Variants in ADCY3 observed in about 807,000 individuals in gnomAD.
ADCY3 encodes the protein adenylate cyclase type 3.
Under a neutral mutation model 119.4 loss-of-function variants are expected in ADCY3, and 70 were observed. The observed-to-expected ratio is 0.59, with a 90% confidence interval of 0.48 to 0.72. The LOEUF (loss-of-function observed/expected upper bound fraction) is 0.72, where lower values mean the gene tolerates loss of function less well. ADCY3 is among the 30% of genes least tolerant of loss of function. The pLI is 0.00. For missense variants in ADCY3, 1,238 were observed against 1,541.6 expected (o/e 0.80, Z 3.30); for synonymous variants, 672 against 621.4 (o/e 1.08, Z -1.21).
chr2:24,840,021 C>G lies in ADCY3; in HGVS notation c.1207G>C (p.Glu403Gln). The change falls in exon 7 of 22, where the codon GAG becomes CAG. Residue 403 changes from glutamate (E) to glutamine (Q), a missense_variant. By Grantham distance (29) the Glu-to-Gln change is conservative. Transcript: ENST00000679454. ...ATGTCCACCCCAGTCTTGGTCTTCT[C>G]CCGCACATACCTGCCAGGTACACAC... ...AMVEAISYVR[E>Q]KTKTGVDMRV... 6.2e-7 allele frequency: 1 copy of G among 1,609,804 alleles called. No homozygotes were observed. Among genetic ancestry groups the G allele is most frequent in the Non-Finnish European group, 8.5e-7 (1 of 1,176,728 alleles).
intron 13 of ADCY3, 138 bp from the exon 14 acceptor site, chr2:24,828,299 T>C: frequency 9.7e-7 from 1 of 1,034,334 alleles, no homozygotes; most frequent in Non-Finnish European, 1.4e-6. Flanking sequence ...GATGGGGAAA[T>C]TTACCAGGGA....
chr2:24,891,118 C>T (rs1366038951), intron 2 of ADCY3, among the ~76,000 whole-genome samples: 1 of 152,160 alleles, frequency 6.6e-6, no homozygotes, highest in Non-Finnish European at 1.5e-5. Flanking sequence ...ATGCACCTGC[C>T]TTGGCCTCCC....
At chr2:24,830,052 T>TC (rs1669248381) in intron 13 of ADCY3, among the ~76,000 whole-genome samples, 1 of 97,668 alleles carries the variant, frequency 1.0e-5, no homozygotes, top group Non-Finnish European at 2.0e-5. Context: ...ACCTTTTTTT[T>TC]TTTTTTTTGA....
chr2:24,874,137 A>C (rs950696127), intron 2 of ADCY3, among the ~76,000 whole-genome samples: 2 of 152,170 alleles, frequency 1.3e-5, no homozygotes, highest in African/African-American at 4.8e-5. Flanking sequence ...CCTGAGGATC[A>C]ACCACCACCA....
intron 2 of ADCY3, among the ~76,000 whole-genome samples, chr2:24,890,181 G>A (rs1222834543): frequency 6.6e-6 from 1 of 152,012 alleles, no homozygotes; most frequent in Non-Finnish European, 1.5e-5. Context: ...TCCCTACTTG[G>A]TCATTATATA....
intron 18 of ADCY3, 114 bp from the exon 19 acceptor site, chr2:24,822,744 T>C: frequency 4.3e-6 from 6 of 1,394,440 alleles, no homozygotes; most frequent in Non-Finnish European, 5.8e-6. Flanking sequence ...GACACTTTCC[T>C]ATCAAAGTTG....
intron 3 of ADCY3, among the ~76,000 whole-genome samples, chr2:24,866,714 T>C (rs1433211539): frequency 6.6e-6 from 1 of 150,988 alleles, no homozygotes; most frequent in Admixed American, 6.6e-5. Context: ...GATGACAAAA[T>C]AGGAATACAT....
chr2:24,901,598 T>A (rs1340157489), intron 2 of ADCY3, among the ~76,000 whole-genome samples: 1 of 152,042 alleles, frequency 6.6e-6, no homozygotes, highest in East Asian at 1.9e-4. Context: ...GACTTTTAAT[T>A]CTTACTCCAC....
At chr2:24,826,414 T>A in intron 15 of ADCY3, 1 of 334,384 alleles carries the variant, frequency 3.0e-6, no homozygotes, top group Admixed American at 4.7e-5. Flanking sequence ...GCCTGACTGA[T>A]CACAGAGGTA....
At chr2:24,863,165 T>C (rs919965088) in intron 3 of ADCY3, among the ~76,000 whole-genome samples, 1 of 152,188 alleles carries the variant, frequency 6.6e-6, no homozygotes, top group Non-Finnish European at 1.5e-5. Context: ...AAAGTATTGA[T>C]CCTGGGTGTG....
intron 2 of ADCY3, among the ~76,000 whole-genome samples, chr2:24,874,868 A>C (rs1370011451): frequency 1.3e-5 from 2 of 152,264 alleles, no homozygotes; most frequent in African/African-American, 4.8e-5. Context: ...AAAAACTTGC[A>C]GATCAATGAA....
intron 2 of ADCY3, among the ~76,000 whole-genome samples, chr2:24,896,152 G>A (rs146257599): frequency 2.0e-5 from 3 of 152,092 alleles, no homozygotes; most frequent in Non-Finnish European, 2.9e-5. Context: ...TTGGGAGGCC[G>A]AGATGGGCAG....
At chr2:24,910,511 ACT>A (rs1663457531) in intron 2 of ADCY3, among the ~76,000 whole-genome samples, 1 of 152,208 alleles carries the variant, frequency 6.6e-6, no homozygotes, top group Non-Finnish European at 1.5e-5. Flanking sequence ...ACTCAGTAAC[ACT>A]GAGTAATGAG....
intron 2 of ADCY3, among the ~76,000 whole-genome samples, chr2:24,894,522 T>C (rs1372174914): frequency 6.6e-6 from 1 of 152,124 alleles, no homozygotes; most frequent in Non-Finnish European, 1.5e-5. Flanking sequence ...ATTATAACAA[T>C]ATACTTTCAT....
At chr2:24,881,952 T>A (rs1033728934) in intron 2 of ADCY3, among the ~76,000 whole-genome samples, 3 of 152,218 alleles carry the variant, frequency 2.0e-5, no homozygotes, top group African/African-American at 7.2e-5. Flanking sequence ...GCCCCAAATG[T>A]CAACGGAGCC....
chr2:24,902,648 C>T (rs1455899103), intron 2 of ADCY3, among the ~76,000 whole-genome samples: 3 of 152,120 alleles, frequency 2.0e-5, no homozygotes, highest in Non-Finnish European at 4.4e-5. Flanking sequence ...AAAACCAACC[C>T]CTTCTCTTTC....
intron 18 of ADCY3, 78 bp downstream of exon 18, chr2:24,823,131 C>T (rs1245312658): frequency 2.0e-6 from 3 of 1,503,404 alleles, no homozygotes; most frequent in African/African-American, 1.4e-5. Context: ...GTTTCTCTGG[C>T]CTCTGCAGCC....
intron 2 of ADCY3, among the ~76,000 whole-genome samples, chr2:24,890,872 CCTTT>C (rs1027130038): frequency 6.6e-6 from 1 of 151,790 alleles, no homozygotes; most frequent in African/African-American, 2.4e-5. Flanking sequence ...AGACTTTAGA[CCTTT>C]CTTCTTTTTT....
At position 24,899,043 on chromosome 2, in the gene ADCY3, C is replaced by T. The variant is rs1000341375; in HGVS notation, c.675+19270G>A. Reference sequence around the variant, plus strand: ...TCATGCCCCTTGTCACCCTGAATCCCGGTGTCACTGGCTTCCAATGTCCCC... The same window carrying T: ...TCATGCCCCTTGTCACCCTGAATCCTGGTGTCACTGGCTTCCAATGTCCCC... On this transcript the variant is annotated intron_variant, in intron 2 of 21. Coordinates refer to ENST00000679454, the MANE Select transcript of ADCY3 (RefSeq NM_004036.5). This position sits in a 1 kb window ranked among gnomAD's most constrained non-coding sequence, Gnocchi z 4.5. 2.6e-5 allele frequency among the ~76,000 whole-genome samples: 4 copies of T among 152,126 alleles called. No homozygotes were observed. Among genetic ancestry groups the T allele is most frequent in the South Asian group, 2.1e-4 (1 of 4,830 alleles).
Sources: allele counts gnomAD v4.1 joint callset (sites outside exome capture counted in the v4.1 genomes callset), GRCh38; gene constraint gnomAD v4.1.1; non-coding constraint Gnocchi (gnomAD v3.1); transcripts MANE v1.5; gene names NCBI Gene and HGNC (gene_info 2026-07-23, HGNC 2026-07-21).